The following ARHGAP30 variants were observed in gnomAD, a reference collection of about 807,000 sequenced individuals.
ARHGAP30 encodes rho GTPase-activating protein 30.
A neutral mutation model predicts 72.0 loss-of-function variants in ARHGAP30; 23 were observed. The observed-to-expected ratio is 0.32, with a 90% confidence interval of 0.23 to 0.45. The LOEUF (loss-of-function observed/expected upper bound fraction) is 0.45. Among genes scored for constraint, ARHGAP30 ranks in the 20% least tolerant of loss-of-function variants. The probability of loss-of-function intolerance (pLI) is 1.00; values close to 1 mark genes in which losing one functional copy is unlikely to be tolerated. For missense variants in ARHGAP30, 1,319 were observed against 1,383.4 expected (o/e 0.95, Z 0.74); for synonymous variants, 576 against 528.2 (o/e 1.09, Z -1.24).
At chr1:161,051,773 A>T (rs1651394477) in intron 9 of ARHGAP30, 58 bp from the exon 10 acceptor site, 2 of 1,487,226 alleles carry the variant, frequency 1.3e-6, no homozygotes, top group African/African-American at 1.4e-5. Flanking sequence ...GGGCCTAGAC[A>T]TCTCAAGAAG....
Position 161,048,409 on chromosome 1 carries a change from T to C in ARHGAP30, c.2612A>G (p.Glu871Gly). 6.2e-7 allele frequency: 1 copy of C among 1,614,090 alleles called. No individual in the cohort carries two copies. The highest frequency in any genetic ancestry group is 8.5e-7 in the Non-Finnish European group (1 of 1,180,018). Reference sequence around the variant, plus strand: ...ATTGCCCTCTTTGGCACAGTCAACCTCCAGGGACGCTACACCTGAACCTTC... The same window carrying C: ...ATTGCCCTCTTTGGCACAGTCAACCCCCAGGGACGCTACACCTGAACCTTC... ...LSEGSGVASL[E>G]VDCAKEGNPH... is the part of the protein sequence containing the mutation. Residue 871 changes from glutamate (E) to glycine (G), a missense_variant, in exon 12 of 12, where the codon GAG (glutamate) becomes GGG (glycine). Transcript: ENST00000368013.
chr1:161,062,495 G>A (rs1652384052), intron 1 of ARHGAP30, among the ~76,000 whole-genome samples: 1 of 151,988 alleles, frequency 6.6e-6, no homozygotes, highest in Admixed American at 6.6e-5. Flanking sequence ...TTGGTAGGCC[G>A]AGGTGGGCAG....
chr1:161,051,398 C>CTG lies in ARHGAP30; in HGVS notation c.1335_1336insCA (p.Gly446GlnfsTer69). The CTG allele has an allele frequency of 6.2e-7, 1 of 1,614,060 alleles. No individual in the cohort carries two copies. Among genetic ancestry groups the CTG allele is most frequent in the East Asian group, 2.2e-5 (1 of 44,876 alleles). ...TGCTGTAGAGCAGGGCACTCAAGGC[C>CTG]ACGGGTGAGCCTGGCCAAGGAAACG... On this transcript the variant is annotated frameshift_variant, in exon 10 of 12. Coordinates refer to ENST00000368013, the MANE Select transcript of ARHGAP30 (RefSeq NM_001025598.2). LOFTEE classifies it high-confidence loss of function.
At chr1:161,055,187 G>GT (rs2102044755) in intron 3 of ARHGAP30, among the ~76,000 whole-genome samples, 1 of 152,286 alleles carries the variant, frequency 6.6e-6, no homozygotes, top group African/African-American at 2.4e-5. Context: ...TTTTTCATGT[G>GT]TTTTCGCATT....
Position 161,051,318 on chromosome 1 carries a change from G to C in ARHGAP30, c.1416C>G (p.Pro472=). The change falls in exon 10 of 12, where the codon CCC becomes CCG. Residue 472 remains proline, a synonymous_variant. Coordinates refer to ENST00000368013, the MANE Select transcript of ARHGAP30 (RefSeq NM_001025598.2). ...PGPGPGLGPG[P]PDEKLEASPA... is the part of the protein sequence containing the mutation. ...GGTCAATCAATGGGTCCTCACCTGGGGGGCCAGGGCCAAGGCCAGGGCCAG... is the reference window on the plus strand; with the variant it reads ...GGTCAATCAATGGGTCCTCACCTGGCGGGCCAGGGCCAAGGCCAGGGCCAG... 1 of 1,596,714 alleles carries C rather than the reference G, an allele frequency of 6.3e-7. No individual in the cohort carries two copies. The highest frequency in any genetic ancestry group is 1.3e-5 in the African/African-American group (1 of 74,802).
In ARHGAP30 at chr1:161,048,218, G is replaced by A. The variant is rs201641953; in HGVS notation, c.2803C>T (p.Arg935Cys). 4.1e-5 allele frequency: 66 copies of A among 1,614,144 alleles called. No homozygotes were observed. Among genetic ancestry groups the A allele is most frequent in the Non-Finnish European group, 5.1e-5 (60 of 1,180,020 alleles). ...TTGGGGGGCACCACAGGCACAGAGC[G>A]GACCTGTTGGACCTGAACCAGAGTG... ...ASTLVQVQQVRSVPVVPPKPQ... is the reference protein window; with the variant it reads ...ASTLVQVQQVCSVPVVPPKPQ... The change falls in exon 12 of 12, where the codon CGC becomes TGC. Residue 935 changes from arginine (R) to cysteine (C), a missense_variant. By Grantham distance (180) the Arg-to-Cys change is radical. Around this residue, in one of 2 missense-constraint regions of ARHGAP30, gnomAD observed 1,097 missense variants for 1,045.2 expected, o/e 1.05. Transcript: ENST00000368013.
chr1:161,064,831 G>GAAAGAAAGAAAGAA (rs1231950263), intron 1 of ARHGAP30, among the ~76,000 whole-genome samples: 2 of 73,834 alleles, frequency 2.7e-5, no homozygotes, highest in African/African-American at 7.6e-5. Context: ...AAGAAAGAAA[G>GAAAGAAAGAAAGAA]AGAAAGAAAG....
rs755351247 is a variant in ARHGAP30 at position 161,053,298 on chromosome 1, G to A, written c.624C>T (p.Leu208=). The part of the protein sequence containing the change: ...RVQSIVVEFI[L]THVDQLFGGA... ...CCCCAAAGAGCTGGTCCACGTGTGT[G>A]AGGATGAACTCCACGACGATGGATT... Residue 208 remains leucine, a synonymous_variant, in exon 6 of 12, where the codon CTC becomes CTT. Transcript: ENST00000368013. 3 of 1,613,896 alleles carry A rather than the reference G, an allele frequency of 1.9e-6. No individual in the cohort carries two copies. The highest frequency in any genetic ancestry group is 2.5e-6 in the Non-Finnish European group (3 of 1,180,026).
chr1:161,051,993 ACCACCACCACCACCACC>A, intron 9 of ARHGAP30, among the ~76,000 whole-genome samples: 2 of 21,566 alleles, frequency 9.3e-5, no homozygotes, highest in Non-Finnish European at 1.9e-4. Flanking sequence ...CACCACCACC[ACCACCACCACCACCACC>A]ACCACCACCA....
At chr1:161,060,180 C>T (rs1044312581) in intron 1 of ARHGAP30, 10 of 447,556 alleles carry the variant, frequency 2.2e-5, no homozygotes, top group Non-Finnish European at 4.0e-5. Flanking sequence ...ACTCAGGAGG[C>T]TGATATGGGA....
At position 161,069,423 on chromosome 1, in the gene ARHGAP30, T is replaced by A. The variant is rs1197622570; in HGVS notation, c.97+105A>T. The stretch of plus-strand genomic sequence containing the variant: ...AATGGTGACCCCAGGCCACTGCCCC[T>A]TCCCCAGGAGCACCGGAAACTGCTT... On this transcript the variant is annotated intron_variant, in intron 1 of 11. Transcript: ENST00000368013. This position sits in a 1 kb window ranked among gnomAD's most constrained non-coding sequence, Gnocchi z 4.9. 2 of 1,182,128 alleles carry A rather than the reference T, an allele frequency of 1.7e-6. No homozygotes were observed. Among genetic ancestry groups the A allele is most frequent in the Non-Finnish European group, 2.4e-6 (2 of 818,272 alleles). 73.2% of individuals were successfully genotyped at this position (1,182,128 alleles called of 1,614,324 possible). A position where few individuals can be genotyped will look rare whatever the true frequency, so the allele number is the denominator to read the frequency against.
chr1:161,068,115 ATTGG>A (rs1652898445), intron 1 of ARHGAP30, among the ~76,000 whole-genome samples: 1 of 152,164 alleles, frequency 6.6e-6, no homozygotes, highest in Non-Finnish European at 1.5e-5. Flanking sequence ...TCAAGATAAA[ATTGG>A]TTGGTGGACC....
chr1:161,069,793 C>T lies in ARHGAP30; in HGVS notation c.-169G>A, dbSNP rs1445506713. The T allele has an allele frequency of 2.0e-5, 13 of 649,202 alleles. No individual in the cohort carries two copies. Among genetic ancestry groups the T allele is most frequent in the Non-Finnish European group, 3.2e-5 (12 of 379,246 alleles). 40.2% of individuals were successfully genotyped at this position (649,202 alleles called of 1,614,324 possible). On this transcript the variant is annotated 5_prime_UTR_variant, in exon 1 of 12. Transcript: ENST00000368013. The surrounding 1 kb of genome is among the most constrained non-coding windows in gnomAD (Gnocchi z 4.9). ...TGGGCAACGGGCAGCAGCTCCTGCCCCTGGGGCCCCGGCCACACGGAAGTG... is the reference window on the plus strand; with the variant it reads ...TGGGCAACGGGCAGCAGCTCCTGCCTCTGGGGCCCCGGCCACACGGAAGTG...
chr1:161,049,928 A>G (rs1250803994), intron 10 of ARHGAP30, among the ~76,000 whole-genome samples: 2 of 152,168 alleles, frequency 1.3e-5, no homozygotes, highest in Non-Finnish European at 2.9e-5. Context: ...CCTCCAAACT[A>G]TTATGTGGGG....
At chr1:161,055,930 TAAAATAAATATAAA>T (rs1651843796) in intron 3 of ARHGAP30, among the ~76,000 whole-genome samples, 4 of 20,364 alleles carry the variant, frequency 2.0e-4, no homozygotes, top group African/African-American at 6.7e-4. Flanking sequence ...TAAAATAAAA[TAAAATAAATATAAA>T]ATAAAATAAA....
Position 161,051,453 on chromosome 1 carries a change from G to A in ARHGAP30, c.1281C>T (p.Ile427=). 6.2e-7 allele frequency: 1 copy of A among 1,614,278 alleles called. No homozygotes were observed. Among genetic ancestry groups the A allele is most frequent in the Non-Finnish European group, 8.5e-7 (1 of 1,180,048 alleles). ...NVNLPLHITS[I]LSVPPNIISN... is the part of the protein sequence containing the mutation. ...AGATGATGTTCGGGGGCACACTGAGGATAGAGGTGATGTGTAGCGGGAGGT... is the reference window on the plus strand; with the variant it reads ...AGATGATGTTCGGGGGCACACTGAGAATAGAGGTGATGTGTAGCGGGAGGT... The change falls in exon 10 of 12, where the codon ATC becomes ATT. Residue 427 remains isoleucine, a synonymous_variant. Transcript: ENST00000368013.
rs577890623 is a variant in ARHGAP30, at chr1:161,054,292, C to T, written c.536+74G>A. The T allele has an allele frequency of 5.1e-6, 7 of 1,367,108 alleles. No individual in the cohort carries two copies. The African/African-American group carries it at 8.6e-5, about 17-fold the overall frequency. The allele number at this position is 1,367,108 out of a possible 1,614,324, so 84.7% of individuals were successfully genotyped here. ...TCTCCAGTGTACCCACACAGTCACA[C>T]CTCATCCTGGGAGCAGCCTCCCAAA... On this transcript the variant is annotated intron_variant, in intron 5 of 11. Coordinates refer to ENST00000368013, the MANE Select transcript of ARHGAP30 (RefSeq NM_001025598.2).
chr1:161,059,425 G>A (rs1338070358), intron 2 of ARHGAP30, among the ~76,000 whole-genome samples, 189 bp downstream of exon 2: 2 of 151,698 alleles, frequency 1.3e-5, no homozygotes, highest in Admixed American at 1.3e-4. Context: ...TAAGTTGGGG[G>A]AGGGACCATG....
At chr1:161,049,745 G>C in intron 10 of ARHGAP30, 56 bp from the exon 11 acceptor site, 1 of 1,571,028 alleles carries the variant, frequency 6.4e-7, no homozygotes, top group East Asian at 2.2e-5. Flanking sequence ...ACCCTTTTCA[G>C]TGTGAGTCCT....
Sources: allele counts gnomAD v4.1 joint callset (sites outside exome capture counted in the v4.1 genomes callset), GRCh38; gene constraint gnomAD v4.1.1; regional missense constraint gnomAD v4.1.1; non-coding constraint Gnocchi (gnomAD v3.1); transcripts MANE v1.5; gene names NCBI Gene and HGNC (gene_info 2026-07-23, HGNC 2026-07-21).